The following MMD2 variants were observed in gnomAD, a reference collection of about 807,000 sequenced individuals.
MMD2 encodes the protein monocyte to macrophage differentiation factor 2.
MMD2 carries 30 observed loss-of-function variants against 33.5 expected under a neutral mutation model. That is an observed-to-expected ratio of 0.90 (90% confidence interval 0.67 to 1.22). The LOEUF is 1.22. Among genes scored for constraint, MMD2 ranks in the 50% most tolerant of loss-of-function variants. MMD2 has a pLI of 0.00. For synonymous variants in MMD2, 129 were observed against 123.0 expected, an observed-to-expected ratio of 1.05 and a Z score of -0.32; for missense variants, 364 against 325.4, an observed-to-expected ratio of 1.12 and a Z score of -0.91.
At chr7:4,898,043 CT>C in the MMD2 span, among the ~76,000 whole-genome samples, 1 of 151,974 alleles carries the variant, frequency 6.6e-6, no homozygotes, top group South Asian at 2.1e-4. Flanking sequence ...CGGCCTATCT[CT>C]TTCTCTTGCC....
chr7:4,926,977 C>T (rs1044321715), intron 1 of MMD2, among the ~76,000 whole-genome samples: 2 of 151,766 alleles, frequency 1.3e-5, no homozygotes, highest in African/African-American at 4.8e-5. Context: ...AATTCCTGAC[C>T]TCGTGATCCG....
At chr7:4,899,987 G>A in the MMD2 span, among the ~76,000 whole-genome samples, 3 of 152,186 alleles carry the variant, frequency 2.0e-5, no homozygotes, top group African/African-American at 4.8e-5. Flanking sequence ...GAAGGTATGT[G>A]AGCAGACAGA....
At chr7:4,893,374 T>TTATC in the MMD2 span, among the ~76,000 whole-genome samples, 1 of 149,860 alleles carries the variant, frequency 6.7e-6, no homozygotes, top group African/African-American at 2.4e-5. Context: ...TTTTATTTAT[T>TTATC]TATTTATTTA....
chr7:4,919,223 C>T lies in MMD2; in HGVS notation c.290+948G>A, dbSNP rs570306355. ...AACGAAGCCCAGAGGGGAGCTGGCC[C>T]GTCGTGACCACCCTGCAGCCAGCAA... On this transcript the variant is annotated intron_variant, in intron 3 of 6. Transcript: ENST00000401401. Among the ~76,000 whole-genome samples, 17 of 152,272 alleles carry T rather than the reference C, an allele frequency of 1.1e-4. 1 individual carries two copies. In the East Asian group the frequency reaches 2.1e-3, roughly 19 times the overall value.
rs77179989 is a variant in MMD2, at chr7:4,911,222, G to C, written c.390C>G (p.Pro130=). 30,650 of 1,597,936 alleles carry C rather than the reference G, an allele frequency of 0.019. 361 individuals carry two copies. Among genetic ancestry groups the C allele is most frequent in the Non-Finnish European group, 0.022 (25,811 of 1,172,744 alleles). ...CCAGCCAGCGCATGTGGGAGGCCCA[G>C]GGGCCCAGCTCCCGAAGGTTCAGCC... The part of the protein sequence containing the change: ...APWLNLRELG[P]WASHMRWLVW... The change falls in exon 5 of 7, where the codon CCC becomes CCG. Residue 130 remains proline, a synonymous_variant. Transcript: ENST00000401401.
In MMD2 at chr7:4,925,512, G is replaced by C; in HGVS notation, c.68C>G (p.Pro23Arg). The C allele has an allele frequency of 6.3e-7, 1 of 1,576,242 alleles. No individual in the cohort carries two copies. The highest frequency in any genetic ancestry group is 1.2e-5 in the South Asian group (1 of 86,278). ...TGTGGGCTGGTACCTCTTGTGGGCA[G>C]GGACTCGGTGGTTCATGAACCTGGA... Reference protein sequence around the residue: ...KYARFMNHRVPAHKRYQPTEY... With the variant: ...KYARFMNHRVRAHKRYQPTEY... The change falls in exon 2 of 7, where the codon CCT (proline) becomes CGT (arginine). Residue 23 changes from proline to arginine, a missense_variant. Transcript: ENST00000401401.
chr7:4,944,409 C>T (rs1241798428), intron 1 of MMD2, among the ~76,000 whole-genome samples: 2 of 152,160 alleles, frequency 1.3e-5, no homozygotes, highest in Admixed American at 1.3e-4. Context: ...CAGGGGTGAG[C>T]CCACCCTCCT....
chr7:4,898,489 T>A, the MMD2 span, among the ~76,000 whole-genome samples: 1 of 152,272 alleles, frequency 6.6e-6, no homozygotes, highest in East Asian at 1.9e-4. Flanking sequence ...TAAGATGGGA[T>A]GGGATAGGAT....
intron 1 of MMD2, among the ~76,000 whole-genome samples, chr7:4,932,994 T>C: frequency 6.6e-6 from 1 of 150,384 alleles, no homozygotes; most frequent in East Asian, 2.0e-4. Context: ...TTTTTTTTTT[T>C]ATGTTTAAAG....
At chr7:4,932,157 G>A (rs982909340) in intron 1 of MMD2, among the ~76,000 whole-genome samples, 4 of 152,120 alleles carry the variant, frequency 2.6e-5, no homozygotes, top group Non-Finnish European at 4.4e-5. Context: ...GACCTGGGGC[G>A]GGCAGTTATT....
At chr7:4,912,330 G>A (rs937293722) in intron 4 of MMD2, among the ~76,000 whole-genome samples, 76 of 151,870 alleles carry the variant, frequency 5.0e-4, no homozygotes, top group African/African-American at 1.6e-3. Context: ...AGGCTGAGGC[G>A]GGCAGATCAC....
rs1044982106 is a variant in MMD2, at chr7:4,910,204, G to C, written c.468-254C>G. Among the ~76,000 whole-genome samples the C allele has an allele frequency of 2.6e-5, 4 of 152,168 alleles. No homozygotes were observed. The East Asian group carries it at 5.8e-4, about 22-fold the overall frequency. The stretch of plus-strand genomic sequence containing the variant: ...ACCTGTAAAATGCATGCTGGTGCCA[G>C]AGCAGGGATTACAAACATTGGGCAT... On this transcript the variant is annotated intron_variant, in intron 5 of 6. Transcript: ENST00000401401.
At chr7:4,951,219 T>G (rs879726938) in intron 1 of MMD2, among the ~76,000 whole-genome samples, 1 of 152,088 alleles carries the variant, frequency 6.6e-6, no homozygotes, top group Non-Finnish European at 1.5e-5. Flanking sequence ...GATGGCAGCC[T>G]CAAAAGTAGC....
intron 1 of MMD2, among the ~76,000 whole-genome samples, chr7:4,948,699 T>C (rs921408808): frequency 6.6e-6 from 1 of 152,170 alleles, no homozygotes; most frequent in Non-Finnish European, 1.5e-5. Flanking sequence ...CTATAAGAAG[T>C]CTGCCATCTA....
the MMD2 span, among the ~76,000 whole-genome samples, chr7:4,897,754 T>C: frequency 3.7e-5 from 3 of 80,682 alleles, no homozygotes; most frequent in Admixed American, 1.3e-4. Flanking sequence ...TTCTTTCTTT[T>C]TTTGAGACAG....
At chr7:4,911,005 T>G in intron 5 of MMD2, 140 bp downstream of exon 5, 12 of 693,384 alleles carry the variant, frequency 1.7e-5, no homozygotes, top group East Asian at 5.8e-5. Context: ...TGGCCACCCA[T>G]GAGCCTGAAT....
chr7:4,950,712 CTTTT>C (rs71004603), intron 1 of MMD2, among the ~76,000 whole-genome samples: 6 of 133,884 alleles, frequency 4.5e-5, no homozygotes, highest in Admixed American at 7.5e-5. Flanking sequence ...TTCTTTCCTT[CTTTT>C]TTTTTTTTTT....
chr7:4,950,175 C>T (rs1192942252), intron 1 of MMD2, among the ~76,000 whole-genome samples: 1 of 151,764 alleles, frequency 6.6e-6, no homozygotes, highest in African/African-American at 2.4e-5. Flanking sequence ...CTCAGCTCAC[C>T]ACAACCTCCA....
intron 1 of MMD2, among the ~76,000 whole-genome samples, chr7:4,945,185 T>TTTCTTCTTCTTCCTCTTC (rs1250418488): frequency 9.6e-5 from 9 of 93,540 alleles, no homozygotes; most frequent in African/African-American, 2.0e-4. Context: ...CCTCTTCCTC[T>TTTCTTCTTCTTCCTCTTC]TTCTTCTTCT....
Sources: gnomAD v4.1 joint callset for allele counts (sites outside exome capture counted in the v4.1 genomes callset) on GRCh38, gnomAD v4.1.1 for gene constraint, MANE v1.5 for transcripts, NCBI Gene and HGNC (gene_info 2026-07-23, HGNC 2026-07-21) for gene names.